Variants in MAP3K2 observed in about 807,000 individuals in gnomAD.
MAP3K2 encodes the protein MAP/ERK kinase kinase 2.
A neutral mutation model predicts 80.3 loss-of-function variants in MAP3K2; 24 were observed. That is an observed-to-expected ratio of 0.30 (90% CI 0.22 to 0.42). The LOEUF (loss-of-function observed/expected upper bound fraction) is 0.42. Among genes scored for constraint, MAP3K2 ranks in the 10% least tolerant of loss-of-function variants. The pLI, the probability that MAP3K2 is intolerant of heterozygous loss-of-function variation, is 1.00. For synonymous variants in MAP3K2, 244 were observed against 253.7 expected (o/e 0.96, Z 0.36); for missense variants, 608 against 750.1 (o/e 0.81, Z 2.21).
In MAP3K2 at chr2:127,317,770, A is replaced by G; in HGVS notation, c.1195-10T>C. 1.3e-6 allele frequency: 2 copies of G among 1,596,308 alleles called. No homozygotes were observed. Among genetic ancestry groups the G allele is most frequent in the Non-Finnish European group, 1.7e-6 (2 of 1,170,940 alleles). ...CAAGTGCATTTACTTCCTGAAAGAG[A>G]GAATTCATTGTTAAGTCTTCAACAA... On this transcript the variant is annotated splice_polypyrimidine_tract_variant and intron_variant, in intron 13 of 16. Coordinates refer to ENST00000682094, the MANE Select transcript of MAP3K2 (RefSeq NM_001371910.2).
chr2:127,348,753 T>A (rs1686640985), intron 1 of MAP3K2, among the ~76,000 whole-genome samples: 1 of 151,906 alleles, frequency 6.6e-6, no homozygotes. Context: ...AAATTATAAC[T>A]GAAAAAGGAA....
chr2:127,345,618 T>C (rs1454372184), intron 1 of MAP3K2, among the ~76,000 whole-genome samples: 3 of 152,136 alleles, frequency 2.0e-5, no homozygotes, highest in Non-Finnish European at 4.4e-5. Flanking sequence ...ACAGACCAAA[T>C]ATTAGGTAAT....
At chr2:127,387,000 A>T (rs562512039) in intron 1 of MAP3K2, among the ~76,000 whole-genome samples, 2 of 152,328 alleles carry the variant, frequency 1.3e-5, no homozygotes, top group East Asian at 3.9e-4. Flanking sequence ...GAGATAATGC[A>T]TGACAACTGC....
At position 127,302,930 on chromosome 2, in the gene MAP3K2, G is replaced by T. The variant is rs1395738765; in HGVS notation, c.*4649C>A. On this transcript the variant is annotated 3_prime_UTR_variant, in exon 17 of 17. Coordinates refer to ENST00000682094, the MANE Select transcript of MAP3K2 (RefSeq NM_001371910.2). ...AAGGAGGTAGAAAAGGGTAGGAGGA[G>T]GCAGGCATTAAGAAACATTTAAGGA... 1 of 151,912 alleles carries T rather than the reference G, an allele frequency of 6.6e-6. No homozygotes were observed. Among genetic ancestry groups the T allele is most frequent in the Non-Finnish European group, 1.5e-5 (1 of 67,984 alleles). 9.4% of individuals were successfully genotyped at this position (151,912 alleles called of 1,614,324 possible). A position where few individuals can be genotyped will look rare whatever the true frequency, so the allele number is the denominator to read the frequency against.
intron 1 of MAP3K2, among the ~76,000 whole-genome samples, chr2:127,361,798 G>A (rs1458768844): frequency 2.6e-5 from 4 of 152,176 alleles, no homozygotes; most frequent in African/African-American, 9.7e-5. Context: ...ATGTTTTAGA[G>A]TCACATAGGG....
intron 15 of MAP3K2, among the ~76,000 whole-genome samples, chr2:127,311,971 C>CA (rs1685815819): frequency 6.6e-6 from 1 of 152,086 alleles, no homozygotes. Flanking sequence ...GACTGCGTCC[C>CA]AAAGAATCAT....
chr2:127,374,744 T>A (rs1558990943), intron 1 of MAP3K2, among the ~76,000 whole-genome samples: 1 of 152,222 alleles, frequency 6.6e-6, no homozygotes, highest in Non-Finnish European at 1.5e-5. Context: ...CTTTTAACTT[T>A]TGCATTTATG....
intron 1 of MAP3K2, among the ~76,000 whole-genome samples, chr2:127,345,813 G>C (rs973716902): frequency 1.3e-5 from 2 of 152,084 alleles, no homozygotes; most frequent in Non-Finnish European, 2.9e-5. Context: ...AAAATACTTT[G>C]AGATAAAAAT....
rs182285562 is a variant in MAP3K2 at position 127,310,199 on chromosome 2, C to A, written c.1457-1437G>T. ...GACTCTGTGTCCCTTTGCCATACCCCCATCATTGTATCCTTGGCTTTTGTT... is the reference window on the plus strand; with the variant it reads ...GACTCTGTGTCCCTTTGCCATACCCACATCATTGTATCCTTGGCTTTTGTT... On this transcript the variant is annotated intron_variant, in intron 15 of 16. Coordinates refer to ENST00000682094, the MANE Select transcript of MAP3K2 (RefSeq NM_001371910.2). The surrounding 1 kb of genome is among the most constrained non-coding windows in gnomAD (Gnocchi z 4.8). Among the ~76,000 whole-genome samples the A allele has an allele frequency of 5.9e-5, 9 of 152,180 alleles. No individual in the cohort carries two copies. The highest frequency in any genetic ancestry group is 8.8e-5 in the Non-Finnish European group (6 of 68,040).
intron 1 of MAP3K2, among the ~76,000 whole-genome samples, chr2:127,386,123 G>A (rs1369800492): frequency 6.6e-6 from 1 of 152,066 alleles, no homozygotes; most frequent in Admixed American, 6.6e-5. Flanking sequence ...TAATATACTA[G>A]GAAAATTACA....
intron 1 of MAP3K2, among the ~76,000 whole-genome samples, chr2:127,347,717 T>C (rs2104855615): frequency 6.6e-6 from 1 of 152,280 alleles, no homozygotes; most frequent in South Asian, 2.1e-4. Context: ...TGGCCTCTTT[T>C]AGCAGAAACG....
At chr2:127,362,028 G>C (rs1379343672) in intron 1 of MAP3K2, among the ~76,000 whole-genome samples, 1 of 152,134 alleles carries the variant, frequency 6.6e-6, no homozygotes, top group East Asian at 1.9e-4. Context: ...TCAACTCTAA[G>C]CGGCAAATTG....
In MAP3K2 at chr2:127,349,289, T is replaced by C. The variant is rs1406699252; in HGVS notation, c.-65-6095A>G. 1.3e-5 allele frequency among the ~76,000 whole-genome samples: 2 copies of C among 152,020 alleles called. 1 individual carries two copies. Among genetic ancestry groups the C allele is most frequent in the East Asian group, 3.9e-4 (2 of 5,182 alleles). On this transcript the variant is annotated intron_variant, in intron 1 of 16. Coordinates refer to ENST00000682094, the MANE Select transcript of MAP3K2 (RefSeq NM_001371910.2). ...GATCCTCTTGCTGCAGCCTCTCAAG[T>C]AGCTGGGACTACAGGTACGCATCAT...
intron 1 of MAP3K2, among the ~76,000 whole-genome samples, chr2:127,379,427 T>C (rs1173261642): frequency 6.6e-6 from 1 of 152,232 alleles, no homozygotes; most frequent in African/African-American, 2.4e-5. Flanking sequence ...GAGTGAGGCT[T>C]AGAGAGTGGA....
At chr2:127,318,482 C>T (rs1685951562) in intron 12 of MAP3K2, among the ~76,000 whole-genome samples, 165 bp from the exon 13 acceptor site, 1 of 152,124 alleles carries the variant, frequency 6.6e-6, no homozygotes, top group Non-Finnish European at 1.5e-5. Flanking sequence ...TCAAATTTTT[C>T]TCTTTCGTCA....
chr2:127,352,659 T>C (rs1284365582), intron 1 of MAP3K2, among the ~76,000 whole-genome samples: 1 of 152,008 alleles, frequency 6.6e-6, no homozygotes, highest in African/African-American at 2.4e-5. Context: ...AGCAGTAAGT[T>C]AAAAAAGAGT....
intron 1 of MAP3K2, among the ~76,000 whole-genome samples, chr2:127,365,750 C>T (rs950857027): frequency 3.3e-5 from 5 of 152,188 alleles, no homozygotes; most frequent in South Asian, 2.1e-4. Flanking sequence ...CACCTGTAAA[C>T]GCTGAGCTGA....
At chr2:127,308,472 C>G (rs182267800) in intron 16 of MAP3K2, 113 bp downstream of exon 16, 1 of 902,856 alleles carries the variant, frequency 1.1e-6, no homozygotes, top group East Asian at 2.5e-5. Flanking sequence ...GCAATTCTTA[C>G]GTCCTATTTT....
chr2:127,352,095 T>G (rs1304013410), intron 1 of MAP3K2, among the ~76,000 whole-genome samples: 2 of 152,092 alleles, frequency 1.3e-5, no homozygotes, highest in Non-Finnish European at 2.9e-5. Context: ...CAGTCTGGTC[T>G]TGAACTTCTG....
Sources: allele counts gnomAD v4.1 joint callset (sites outside exome capture counted in the v4.1 genomes callset), GRCh38; gene constraint gnomAD v4.1.1; non-coding constraint Gnocchi (gnomAD v3.1); transcripts MANE v1.5; gene names NCBI Gene and HGNC (gene_info 2026-07-23, HGNC 2026-07-21).